LRIG1: variants seen among roughly 807,000 people sequenced by gnomAD.
The protein encoded by LRIG1 is leucine rich repeats and immunoglobulin like domains 1.
LRIG1 carries 48 observed loss-of-function variants against 99.2 expected under a neutral mutation model. The ratio of observed to expected loss-of-function variants is 0.48; its 90% CI spans 0.38 to 0.62. LRIG1 has a LOEUF of 0.62. Ranked by LOEUF, LRIG1 falls within the 20% of genes least tolerant of loss-of-function variation. The pLI, the probability that LRIG1 is intolerant of heterozygous loss-of-function variation, is 0.00. For synonymous variants in LRIG1, 772 were observed against 596.1 expected, an observed-to-expected ratio of 1.29 and a Z score of -4.30; for missense variants, 1,646 against 1,434.4, an observed-to-expected ratio of 1.15 and a Z score of -2.38.
chr3:66,472,668 G>A (rs1204205625), intron 1 of LRIG1, among the ~76,000 whole-genome samples: 4 of 152,178 alleles, frequency 2.6e-5, no homozygotes, highest in African/African-American at 7.2e-5. Flanking sequence ...GTACAACCAC[G>A]GATTTCACTG....
intron 9 of LRIG1, among the ~76,000 whole-genome samples, chr3:66,403,121 T>C (rs1328782442): frequency 1.3e-5 from 2 of 152,122 alleles, no homozygotes; most frequent in African/African-American, 4.8e-5. Context: ...CGTGACACAG[T>C]GCCAATCCTC....
At chr3:66,474,294 G>A (rs1029141265) in intron 1 of LRIG1, among the ~76,000 whole-genome samples, 9 of 150,718 alleles carry the variant, frequency 6.0e-5, no homozygotes, top group African/African-American at 1.5e-4. Flanking sequence ...TAAATCATTC[G>A]CCAAAGTCCC....
At chr3:66,472,762 G>A (rs1700633578) in intron 1 of LRIG1, among the ~76,000 whole-genome samples, 1 of 152,004 alleles carries the variant, frequency 6.6e-6, no homozygotes, top group Non-Finnish European at 1.5e-5. Context: ...CTTCCTCTGG[G>A]TGCGACAGAC....
At chr3:66,491,481 T>C (rs564197662) in intron 1 of LRIG1, among the ~76,000 whole-genome samples, 2 of 152,296 alleles carry the variant, frequency 1.3e-5, no homozygotes, top group South Asian at 4.1e-4. Context: ...AAAAAATCTG[T>C]ATTTTGAGAA....
chr3:66,421,440 A>G (rs1191984070), intron 3 of LRIG1, among the ~76,000 whole-genome samples: 3 of 152,218 alleles, frequency 2.0e-5, no homozygotes. Flanking sequence ...ATTGACCAAA[A>G]CAAAGGGGCT....
At chr3:66,414,266 G>A (rs1009956613) in intron 5 of LRIG1, among the ~76,000 whole-genome samples, 2 of 152,168 alleles carry the variant, frequency 1.3e-5, no homozygotes, top group Middle Eastern at 3.4e-3. Context: ...GCATGGTGGT[G>A]GGTGCCTGTA....
Position 66,380,188 on chromosome 3 carries a change from C to T in LRIG1, c.*75G>A, listed in dbSNP as rs1046271444. 51 of 1,279,924 alleles carry T rather than the reference C, an allele frequency of 4.0e-5. No individual in the cohort carries two copies. The highest frequency in any genetic ancestry group is 4.8e-5 in the Non-Finnish European group (44 of 920,098). 79.3% of individuals were successfully genotyped at this position (1,279,924 alleles called of 1,614,324 possible). ...ATGTACAGATGAGTGACGCTTGAAC[C>T]CAAGCTTCCTCGCAGCCTCTCCTAC... On this transcript the variant is annotated 3_prime_UTR_variant, in exon 19 of 19. Transcript: ENST00000273261.
At chr3:66,388,182 G>T (rs1313023400) in intron 12 of LRIG1, 2 of 143,888 alleles carry the variant, frequency 1.4e-5, no homozygotes, top group African/African-American at 2.5e-5. Flanking sequence ...TTATAGATAT[G>T]AACCAAGTAG....
In LRIG1 at chr3:66,383,018, T is replaced by C. The variant is rs1701173690; in HGVS notation, c.2455A>G (p.Arg819Gly). 5 of 1,614,080 alleles carry C rather than the reference T, an allele frequency of 3.1e-6. No individual in the cohort carries two copies. Among genetic ancestry groups the C allele is most frequent in the Non-Finnish European group, 4.2e-6 (5 of 1,179,948 alleles). Residue 819 changes from arginine (R) to glycine (G), a missense_variant, in exon 15 of 19, where the codon AGG becomes GGG. Transcript: ENST00000273261. ...ACACTGTACTCTTCACTCTTCTTCCTGGTCTGGTAGATGATGCACACCCAG... is the reference window on the plus strand; with the variant it reads ...ACACTGTACTCTTCACTCTTCTTCCCGGTCTGGTAGATGATGCACACCCAG... The part of the protein sequence containing the change: ...LVWVCIIYQT[R>G]KKSEEYSVTN...
chr3:66,422,476 C>T (rs1178203656), intron 3 of LRIG1, among the ~76,000 whole-genome samples: 1 of 152,208 alleles, frequency 6.6e-6, no homozygotes, highest in African/African-American at 2.4e-5. Context: ...CTGCCAGTCT[C>T]TTTGCTAAAG....
In LRIG1 at chr3:66,413,054, G is replaced by A. The variant is rs376682490; in HGVS notation, c.648-40C>T. ...CCAGCAGGGTCAGAGTGTCTTATGT[G>A]CATATCCCACCCACAACCATTCTGA... On this transcript the variant is annotated intron_variant, in intron 5 of 18. Transcript: ENST00000273261. 4 of 1,610,100 alleles carry A rather than the reference G, an allele frequency of 2.5e-6. No individual in the cohort carries two copies. In the African/African-American group the frequency reaches 4.0e-5, roughly 16 times the overall value.
At chr3:66,466,431 G>T (rs532889126) in intron 1 of LRIG1, among the ~76,000 whole-genome samples, 25 of 152,268 alleles carry the variant, frequency 1.6e-4, no homozygotes, top group Non-Finnish European at 3.5e-4. Context: ...TGACATTTGG[G>T]TTGTTCCTCC....
rs141901023 is a variant in LRIG1, at chr3:66,430,376, G to A, written c.366-13110C>T. On this transcript the variant is annotated intron_variant, in intron 3 of 18. Coordinates refer to ENST00000273261, the MANE Select transcript of LRIG1 (RefSeq NM_015541.3). ...ATAGCACGGGGTGGGGGTTACTTAC[G>A]CATTTCCCACATTCAATTGAACCCC... is the stretch of plus-strand genomic sequence containing the variant. 4.9e-3 allele frequency among the ~76,000 whole-genome samples: 742 copies of A among 152,302 alleles called. 11 individuals are homozygous for A. The highest frequency in any genetic ancestry group is 0.013 in the African/African-American group (544 of 41,568).
chr3:66,476,235 A>C (rs1050793910), intron 1 of LRIG1, among the ~76,000 whole-genome samples: 10 of 152,310 alleles, frequency 6.6e-5, no homozygotes, highest in African/African-American at 2.4e-4. Context: ...AGTCACACCT[A>C]GGCATGTCTA....
intron 1 of LRIG1, among the ~76,000 whole-genome samples, chr3:66,480,901 A>C (rs79908733): frequency 8.9e-4 from 135 of 152,332 alleles, no homozygotes; most frequent in African/African-American, 3.2e-3. Context: ...CAGTTAGATT[A>C]AGATTAAGAT....
At chr3:66,383,513 T>TCTGTCTCAGATCTGAGAG in intron 14 of LRIG1, 112 bp from the exon 15 acceptor site, 1 of 966,068 alleles carries the variant, frequency 1.0e-6, no homozygotes, top group Non-Finnish European at 1.5e-6. Context: ...GCATCTGAGA[T>TCTGTCTCAGATCTGAGAG]TCTGTCTCAG....
intron 3 of LRIG1, among the ~76,000 whole-genome samples, chr3:66,435,541 T>C (rs750787835): frequency 6.6e-6 from 1 of 152,198 alleles, no homozygotes; most frequent in Admixed American, 6.5e-5. Context: ...GTCACACCAC[T>C]GCACTCTAGC....
chr3:66,381,613 G>A lies in LRIG1; in HGVS notation c.2636C>T (p.Ala879Val), dbSNP rs774185035. 3.1e-6 allele frequency: 5 copies of A among 1,613,944 alleles called. No individual in the cohort carries two copies. The highest frequency in any genetic ancestry group is 3.3e-5 in the Admixed American group (2 of 60,022). Residue 879 changes from alanine to valine, a missense_variant, in exon 17 of 19, where the codon GCA (alanine) becomes GTA (valine). Ala to Val is a moderately conservative substitution (Grantham distance 64). Coordinates refer to ENST00000273261, the MANE Select transcript of LRIG1 (RefSeq NM_015541.3). ...AGTGTCGGGCTCTGGAAAGTGGCTT[G>A]CATCTCTTGGACACACACCTGCAAG... The part of the protein sequence containing the change: ...IESNGVCPRD[A>V]SHFPEPDTHS...
At chr3:66,449,421 A>C (rs527971437) in intron 3 of LRIG1, among the ~76,000 whole-genome samples, 1 of 152,320 alleles carries the variant, frequency 6.6e-6, no homozygotes, top group Admixed American at 6.5e-5. Flanking sequence ...ACTGAATCCA[A>C]ACAGGGAGTA....
Sources: gnomAD v4.1 joint callset for allele counts (sites outside exome capture counted in the v4.1 genomes callset) on GRCh38, gnomAD v4.1.1 for gene constraint, MANE v1.5 for transcripts, NCBI Gene and HGNC (gene_info 2026-07-23, HGNC 2026-07-21) for gene names.